The following DGCR2 variants were observed in gnomAD, a reference collection of about 807,000 sequenced individuals.
The protein encoded by DGCR2 is integral membrane protein DGCR2/IDD.
In DGCR2, 24 loss-of-function variants were observed where a neutral mutation model predicts 51.6. That is an observed-to-expected ratio of 0.47 (90% CI 0.34 to 0.65). The LOEUF is 0.65. Among genes scored for constraint, DGCR2 ranks in the 30% least tolerant of loss-of-function variants. The probability of loss-of-function intolerance (pLI) is 0.01; values close to 1 mark genes in which losing one functional copy is unlikely to be tolerated. For missense variants in DGCR2, 765 were observed against 772.1 expected, an observed-to-expected ratio of 0.99 and a Z score of 0.11; for synonymous variants, 340 against 315.4, an observed-to-expected ratio of 1.08 and a Z score of -0.82.
At chr22:19,055,307 C>A (rs1172717807) in intron 6 of DGCR2, among the ~76,000 whole-genome samples, 1 of 152,034 alleles carries the variant, frequency 6.6e-6, no homozygotes, top group African/African-American at 2.4e-5. Flanking sequence ...TAATAAAAAT[C>A]AGTACACTTT....
At chr22:19,090,135 A>C (rs1192985396) in intron 1 of DGCR2, among the ~76,000 whole-genome samples, 2 of 152,236 alleles carry the variant, frequency 1.3e-5, no homozygotes, top group Non-Finnish European at 2.9e-5. Context: ...AGTGACTTGA[A>C]GATATAATAA....
chr22:19,093,480 C>G (rs1048449852), intron 1 of DGCR2, among the ~76,000 whole-genome samples: 4 of 151,974 alleles, frequency 2.6e-5, no homozygotes, highest in African/African-American at 9.7e-5. Flanking sequence ...AAGCAAATAC[C>G]TTTAATATAT....
At chr22:19,116,953 A>G (rs980601819) in intron 1 of DGCR2, among the ~76,000 whole-genome samples, 3 of 150,088 alleles carry the variant, frequency 2.0e-5, no homozygotes, top group Admixed American at 1.3e-4. Flanking sequence ...ATGCATAATG[A>G]GATCACCTCC....
rs1569047928 is a variant in DGCR2, at chr22:19,057,941, T to C, written c.626-779A>G. Among the ~76,000 whole-genome samples, 1 of 152,118 alleles carries C rather than the reference T, an allele frequency of 6.6e-6. No homozygotes were observed. Among genetic ancestry groups the C allele is most frequent in the African/African-American group, 2.4e-5 (1 of 41,426 alleles). ...TCTCCCCTGCACGGCCCTTCCAGTC[T>C]GGGCTGCCAAGATTCCTTGAGGCTT... is the stretch of plus-strand genomic sequence containing the variant. On this transcript the variant is annotated intron_variant, in intron 5 of 9. Coordinates refer to ENST00000263196, the MANE Select transcript of DGCR2 (RefSeq NM_005137.3). This position sits in a 1 kb window ranked among gnomAD's most constrained non-coding sequence, Gnocchi z 5.1.
chr22:19,066,505 C>T (rs536950714), intron 3 of DGCR2, among the ~76,000 whole-genome samples: 5 of 152,224 alleles, frequency 3.3e-5, no homozygotes, highest in Admixed American at 6.5e-5. Flanking sequence ...ACATTCATTG[C>T]GTGTTTCCTG....
intron 3 of DGCR2, among the ~76,000 whole-genome samples, chr22:19,066,544 C>T (rs1365096905): frequency 6.6e-6 from 1 of 152,222 alleles, no homozygotes; most frequent in Non-Finnish European, 1.5e-5. Flanking sequence ...GCAGCCTGAC[C>T]ACATGCCCCG....
At chr22:19,056,566 A>AC (rs1555902463) in intron 6 of DGCR2, 13,770 of 332,832 alleles carry the variant, frequency 0.041, 354 homozygotes, top group South Asian at 0.079. Flanking sequence ...AAAAAAAAAA[A>AC]ACACACACAC....
rs781058404 is a variant in DGCR2 at position 19,039,101 on chromosome 22, C to A, written c.1417G>T (p.Val473Leu). 8 of 1,613,128 alleles carry A rather than the reference C, an allele frequency of 5.0e-6. No homozygotes were observed. The South Asian group carries it at 8.8e-5, about 18-fold the overall frequency. ...DPADDDAFEPVEVSLPAPGDG... is the reference protein window; with the variant it reads ...DPADDDAFEPLEVSLPAPGDG... ...CCAGGGGCTGGCAGGCTGACCTCCACAGGCTCAAAAGCATCATCGTCTGCA... is the reference window on the plus strand; with the variant it reads ...CCAGGGGCTGGCAGGCTGACCTCCAAAGGCTCAAAAGCATCATCGTCTGCA... Residue 473 changes from valine (V) to leucine (L), a missense_variant, in exon 10 of 10, where the codon GTG becomes TTG. This residue lies in a region of DGCR2 where 205 missense variants were observed against 181.4 expected (regional missense o/e 1.13). Transcript: ENST00000263196.
intron 9 of DGCR2, among the ~76,000 whole-genome samples, chr22:19,039,508 CA>C (rs1233479889): frequency 6.6e-6 from 1 of 152,138 alleles, no homozygotes; most frequent in Non-Finnish European, 1.5e-5. Flanking sequence ...AGCAAGAAGG[CA>C]GGGGCATTTG....
rs1261731768 is a variant in DGCR2, at chr22:19,068,133, C to T, written c.295G>A (p.Ala99Thr). ...ARGGDPSHFHAVNVAQPVRFS... is the reference protein window; with the variant it reads ...ARGGDPSHFHTVNVAQPVRFS... ...CGAACGGGCTGCGCCACGTTCACCGCGTGGAAGTGCGAAGGGTCGCCTCCT... is the reference window on the plus strand; with the variant it reads ...CGAACGGGCTGCGCCACGTTCACCGTGTGGAAGTGCGAAGGGTCGCCTCCT... Residue 99 changes from alanine (A) to threonine (T), a missense_variant, in exon 3 of 10, where the codon GCG becomes ACG. This residue lies in a region of DGCR2 where 370 missense variants were observed against 325.5 expected (regional missense o/e 1.14). Transcript: ENST00000263196. 1 of 1,607,992 alleles carries T rather than the reference C, an allele frequency of 6.2e-7. No individual in the cohort carries two copies. The highest frequency in any genetic ancestry group is 1.1e-5 in the South Asian group (1 of 90,512).
chr22:19,097,443 C>T (rs939124291), intron 1 of DGCR2, among the ~76,000 whole-genome samples: 3 of 152,074 alleles, frequency 2.0e-5, no homozygotes, highest in Non-Finnish European at 4.4e-5. Context: ...ATCCCAGCTA[C>T]TCTGGAGGCT....
intron 2 of DGCR2, among the ~76,000 whole-genome samples, chr22:19,084,843 C>T (rs1436189877): frequency 2.1e-5 from 3 of 144,204 alleles, no homozygotes; most frequent in Admixed American, 6.9e-5. Context: ...CCGCCCCGTC[C>T]GGGAGGTGGG....
chr22:19,047,587 A>G (rs1317224206), intron 7 of DGCR2: 3 of 152,164 alleles, frequency 2.0e-5, no homozygotes, highest in African/African-American at 7.2e-5. Context: ...CTGCAGCTAC[A>G]CCGGTGTGCA....
chr22:19,109,560 T>C (rs111948349), intron 1 of DGCR2, among the ~76,000 whole-genome samples: 2,443 of 152,266 alleles, frequency 0.016, 70 homozygotes, highest in African/African-American at 0.056. Flanking sequence ...ATATGGAGTA[T>C]CTAAAGCAGT....
At chr22:19,047,662 G>C (rs1479203349) in intron 7 of DGCR2, 3 of 152,292 alleles carry the variant, frequency 2.0e-5, no homozygotes, top group Non-Finnish European at 2.9e-5. Flanking sequence ...TGGCCCACCT[G>C]CTCCTCTCTT....
chr22:19,054,509 A>G (rs1290493487), intron 6 of DGCR2, among the ~76,000 whole-genome samples: 1 of 152,274 alleles, frequency 6.6e-6, no homozygotes, highest in Admixed American at 6.5e-5. Context: ...AGACAAGTTT[A>G]TCTCCAACTT....
At chr22:19,062,683 T>C (rs1405472211) in intron 5 of DGCR2, among the ~76,000 whole-genome samples, 2 of 152,014 alleles carry the variant, frequency 1.3e-5, no homozygotes, top group Non-Finnish European at 2.9e-5. Context: ...GCCCAGGGAA[T>C]GTAAAGGAAA....
Position 19,048,521 on chromosome 22 carries a change from C to T in DGCR2, c.925G>A (p.Ala309Thr). ...CAGCCCTGGGGCCTCTCACAGAGAG[C>T]AGCCACACACATCTCAGGCTCCCCT... ...HGGEPEMCVA[A>T]LCERPQGCQQ... is the part of the protein sequence containing the mutation. Residue 309 changes from alanine to threonine, a missense_variant, in exon 7 of 10, where the codon GCT becomes ACT. Physicochemically the swap from Ala to Thr is moderately conservative, Grantham distance 58. Around this residue, in one of 3 missense-constraint regions of DGCR2, gnomAD observed 190 missense variants for 265.2 expected, o/e 0.72. Transcript: ENST00000263196. 1.2e-6 allele frequency: 2 copies of T among 1,614,216 alleles called. No homozygotes were observed. The highest frequency in any genetic ancestry group is 1.1e-5 in the South Asian group (1 of 91,084).
At chr22:19,069,560 C>T (rs2082790593) in intron 2 of DGCR2, among the ~76,000 whole-genome samples, 1 of 152,200 alleles carries the variant, frequency 6.6e-6, no homozygotes, top group African/African-American at 2.4e-5. Context: ...TCAGACACTC[C>T]ATTTCACGAC....
Sources: allele counts gnomAD v4.1 joint callset (sites outside exome capture counted in the v4.1 genomes callset), GRCh38; gene constraint gnomAD v4.1.1; regional missense constraint gnomAD v4.1.1; non-coding constraint Gnocchi (gnomAD v3.1); transcripts MANE v1.5; gene names NCBI Gene and HGNC (gene_info 2026-07-23, HGNC 2026-07-21).